The following VSTM2B variants were observed in gnomAD, a reference collection of about 807,000 sequenced individuals.
The protein encoded by VSTM2B is V-set and transmembrane domain containing 2B.
Under a neutral mutation model 24.0 loss-of-function variants are expected in VSTM2B, and 24 were observed. That is an observed-to-expected ratio of 1.00 (90% CI 0.72 to 1.40). The LOEUF (loss-of-function observed/expected upper bound fraction) is 1.40. VSTM2B is among the 40% of genes most tolerant of loss of function. The probability of loss-of-function intolerance (pLI) is 0.00; values close to 1 mark genes in which losing one functional copy is unlikely to be tolerated. For missense variants in VSTM2B, 399 were observed against 416.4 expected (o/e 0.96, Z 0.36); for synonymous variants, 226 against 194.4 (o/e 1.16, Z -1.35).
At position 29,526,662 on chromosome 19, in the gene VSTM2B, G is replaced by A. The variant is rs1316430407; in HGVS notation, c.79G>A (p.Asp27Asn). ...GCATGCCCTGCTGCTCTTCGTGGCC[G>A]ACGGTGAGCGCGGGAACTTTGCTGC... ...LLHALLLFVA[D>N]AAFTEVPKDV... is the part of the protein sequence containing the mutation. Residue 27 changes from aspartate to asparagine, a missense_variant, in exon 1 of 5, where the codon GAC becomes AAC. Coordinates refer to ENST00000335523, the MANE Select transcript of VSTM2B (RefSeq NM_001146339.2). The surrounding 1 kb of genome is among the most constrained non-coding windows in gnomAD (Gnocchi z 4.1). 10 of 1,528,318 alleles carry A rather than the reference G, an allele frequency of 6.5e-6. No individual in the cohort carries two copies. The highest frequency in any genetic ancestry group is 4.2e-5 in the African/African-American group (3 of 72,254). The allele number at this position is 1,528,318 out of a possible 1,614,324, so 94.7% of individuals were successfully genotyped here. A position where few individuals can be genotyped will look rare whatever the true frequency, so the allele number is the denominator to read the frequency against.
intron 4 of VSTM2B, among the ~76,000 whole-genome samples, chr19:29,561,688 G>A (rs1175728758): frequency 2.6e-5 from 4 of 152,192 alleles, no homozygotes; most frequent in Non-Finnish European, 5.9e-5. Flanking sequence ...CAGTCTGGCT[G>A]TGGGTGAAGT....
At chr19:29,553,738 T>A (rs1970340218) in intron 4 of VSTM2B, among the ~76,000 whole-genome samples, 1 of 152,172 alleles carries the variant, frequency 6.6e-6, no homozygotes, top group Admixed American at 6.5e-5. Flanking sequence ...AATGACCTGA[T>A]GGAGCTGAGA....
chr19:29,530,388 C>T, intron 4 of VSTM2B, 98 bp downstream of exon 4: 1 of 1,161,928 alleles, frequency 8.6e-7, no homozygotes, highest in Middle Eastern at 3.0e-4. Flanking sequence ...GACCCGCCCC[C>T]TGGGCGCATT....
At chr19:29,541,229 C>T (rs555046507) in intron 4 of VSTM2B, among the ~76,000 whole-genome samples, 1 of 152,272 alleles carries the variant, frequency 6.6e-6, no homozygotes, top group East Asian at 1.9e-4. Flanking sequence ...GGCATGATGC[C>T]TTCAGAAATG....
At chr19:29,534,557 A>C (rs1369513883) in intron 4 of VSTM2B, among the ~76,000 whole-genome samples, 4 of 152,122 alleles carry the variant, frequency 2.6e-5, no homozygotes, top group Non-Finnish European at 5.9e-5. Flanking sequence ...TCTACTAAAA[A>C]CACAAAAAAT....
intron 4 of VSTM2B, among the ~76,000 whole-genome samples, chr19:29,553,421 C>CA: frequency 6.6e-6 from 1 of 152,280 alleles, no homozygotes; most frequent in South Asian, 2.1e-4. Flanking sequence ...CAGCATCAAC[C>CA]AAAAAAGTCC....
chr19:29,535,460 GC>G (rs1239407086), intron 4 of VSTM2B, among the ~76,000 whole-genome samples: 2 of 152,160 alleles, frequency 1.3e-5, no homozygotes, highest in Admixed American at 1.3e-4. Context: ...AGGCACCATG[GC>G]CCCCACAGAG....
chr19:29,534,951 C>T (rs775076642), intron 4 of VSTM2B, among the ~76,000 whole-genome samples: 2 of 152,126 alleles, frequency 1.3e-5, no homozygotes, highest in Admixed American at 6.5e-5. Context: ...CATTAGCTAC[C>T]GCACAGCCAG....
chr19:29,539,345 T>C (rs1969972087), intron 4 of VSTM2B, among the ~76,000 whole-genome samples: 1 of 151,946 alleles, frequency 6.6e-6, no homozygotes, highest in South Asian at 2.1e-4. Context: ...GCCTTTCGGG[T>C]GGCAAGGAGA....
At chr19:29,541,612 A>G (rs1414260445) in intron 4 of VSTM2B, among the ~76,000 whole-genome samples, 1 of 151,952 alleles carries the variant, frequency 6.6e-6, no homozygotes, top group African/African-American at 2.4e-5. Flanking sequence ...GGGATAATAA[A>G]TGGATGGGTG....
intron 4 of VSTM2B, among the ~76,000 whole-genome samples, chr19:29,548,548 A>G (rs1970201812): frequency 6.6e-6 from 1 of 152,190 alleles, no homozygotes. Context: ...GAGGCTTTTA[A>G]TAAAACATCA....
At chr19:29,535,917 G>A (rs563309675) in intron 4 of VSTM2B, among the ~76,000 whole-genome samples, 22 of 152,236 alleles carry the variant, frequency 1.4e-4, no homozygotes, top group Admixed American at 1.0e-3. Flanking sequence ...CCCAAGTTCC[G>A]ATGTGACATG....
intron 4 of VSTM2B, among the ~76,000 whole-genome samples, chr19:29,552,620 G>C (rs1970312311): frequency 1.3e-5 from 2 of 152,334 alleles, no homozygotes; most frequent in Middle Eastern, 3.4e-3. Context: ...TGGGTCCCAA[G>C]CACGCCACTC....
At chr19:29,535,608 G>A (rs1430597440) in intron 4 of VSTM2B, among the ~76,000 whole-genome samples, 2 of 152,202 alleles carry the variant, frequency 1.3e-5, no homozygotes, top group Non-Finnish European at 1.5e-5. Flanking sequence ...GCTGGGAGCC[G>A]TCAAAGGGGA....
chr19:29,556,099 C>A (rs562550205), intron 4 of VSTM2B, among the ~76,000 whole-genome samples: 86 of 137,580 alleles, frequency 6.3e-4, no homozygotes, highest in Non-Finnish European at 6.4e-4. Context: ...GGCAGAGATA[C>A]AAAAAAAAAA....
intron 2 of VSTM2B, 71 bp downstream of exon 2, chr19:29,527,466 AG>A: frequency 7.5e-7 from 1 of 1,341,966 alleles, no homozygotes; most frequent in Non-Finnish European, 9.6e-7. Context: ...TAACCCAGGG[AG>A]GGAAGCAGCG....
chr19:29,545,383 C>T (rs560234655), intron 4 of VSTM2B, among the ~76,000 whole-genome samples: 1 of 152,046 alleles, frequency 6.6e-6, no homozygotes, highest in East Asian at 1.9e-4. Flanking sequence ...GAGGCCGAGG[C>T]GGTTAGATCA....
At chr19:29,548,328 C>A (rs1970196569) in intron 4 of VSTM2B, among the ~76,000 whole-genome samples, 1 of 152,104 alleles carries the variant, frequency 6.6e-6, no homozygotes, top group South Asian at 2.1e-4. Flanking sequence ...AGGACCTGTG[C>A]ATGTCTCGTC....
Position 29,526,428 on chromosome 19 carries a change from G to A in VSTM2B, c.-156G>A, listed in dbSNP as rs1427853866. The A allele has an allele frequency of 1.5e-5, 4 of 271,038 alleles. No homozygotes were observed. The highest frequency in any genetic ancestry group is 2.3e-5 in the African/African-American group (1 of 44,070). The allele number at this position is 271,038 out of a possible 1,614,324, so 16.8% of individuals were successfully genotyped here. A position where few individuals can be genotyped will look rare whatever the true frequency, so the allele number is the denominator to read the frequency against. On this transcript the variant is annotated 5_prime_UTR_variant, in exon 1 of 5. Transcript: ENST00000335523. This position sits in a 1 kb window ranked among gnomAD's most constrained non-coding sequence, Gnocchi z 4.1. ...CCGGGCAAGCCGGCGAGGGAGCGGG[G>A]CTGATTGGCGGCCGCCGGCGGCCAG...
Sources: allele counts gnomAD v4.1 joint callset (sites outside exome capture counted in the v4.1 genomes callset), GRCh38; gene constraint gnomAD v4.1.1; non-coding constraint Gnocchi (gnomAD v3.1); transcripts MANE v1.5; gene names NCBI Gene and HGNC (gene_info 2026-07-23, HGNC 2026-07-21).